TENT4A: variants seen among roughly 807,000 people sequenced by gnomAD.
TENT4A encodes terminal nucleotidyltransferase 4A.
Under a neutral mutation model 72.8 loss-of-function variants are expected in TENT4A, and 7 were observed. The observed-to-expected ratio is 0.10, with a 90% confidence interval of 0.05 to 0.18. TENT4A has a LOEUF of 0.18. Ranked by LOEUF, TENT4A falls within the 10% of genes least tolerant of loss-of-function variation. The probability of loss-of-function intolerance (pLI) is 1.00; values close to 1 mark genes in which losing one functional copy is unlikely to be tolerated. For missense variants in TENT4A, 831 were observed against 1,017.7 expected (o/e 0.82, Z 2.50); for synonymous variants, 456 against 434.3 (o/e 1.05, Z -0.62).
At chr5:6,720,525 A>G (rs1740593695) in intron 1 of TENT4A, among the ~76,000 whole-genome samples, 1 of 152,060 alleles carries the variant, frequency 6.6e-6, no homozygotes, top group African/African-American at 2.4e-5. Flanking sequence ...TCAGATGAAC[A>G]TTCTTTAAAA....
At chr5:6,716,876 T>A (rs1408888248) in intron 1 of TENT4A, among the ~76,000 whole-genome samples, 2 of 152,220 alleles carry the variant, frequency 1.3e-5, no homozygotes, top group Non-Finnish European at 2.9e-5. Flanking sequence ...TCCTTGCCTG[T>A]CTCTGGGTGG....
chr5:6,734,957 T>A (rs1378609478), intron 1 of TENT4A, among the ~76,000 whole-genome samples: 1 of 152,226 alleles, frequency 6.6e-6, no homozygotes, highest in Non-Finnish European at 1.5e-5. Context: ...TCCTGGAGTG[T>A]TGAGCATCTC....
chr5:6,729,287 A>G (rs1038633154), intron 1 of TENT4A, among the ~76,000 whole-genome samples: 3 of 152,242 alleles, frequency 2.0e-5, no homozygotes, highest in Admixed American at 2.0e-4. Context: ...CTCAAAGACT[A>G]TTATTTGGGA....
At chr5:6,739,875 T>A (rs1561038118) in intron 4 of TENT4A, 23 bp downstream of exon 4, 4 of 1,609,300 alleles carry the variant, frequency 2.5e-6, no homozygotes, top group Non-Finnish European at 1.7e-6. Flanking sequence ...CTTTGGCCCC[T>A]CTGACCGGGC....
At chr5:6,740,900 G>A (rs1207762299) in intron 4 of TENT4A, among the ~76,000 whole-genome samples, 2 of 152,228 alleles carry the variant, frequency 1.3e-5, no homozygotes, top group Non-Finnish European at 2.9e-5. Flanking sequence ...AGCAGATGCT[G>A]TTGCTGTTCA....
intron 1 of TENT4A, among the ~76,000 whole-genome samples, chr5:6,721,154 A>C (rs1475446321): frequency 6.6e-6 from 1 of 152,168 alleles, no homozygotes; most frequent in Non-Finnish European, 1.5e-5. Flanking sequence ...TGTAGCCCGC[A>C]TTCTTAGTGC....
At chr5:6,745,344 C>T (rs547982340) in intron 6 of TENT4A, among the ~76,000 whole-genome samples, 4 of 152,130 alleles carry the variant, frequency 2.6e-5, no homozygotes, top group Non-Finnish European at 4.4e-5. Flanking sequence ...TTTCAAGCAC[C>T]GTGCTTCTCT....
chr5:6,744,452 C>T (rs999111269), intron 6 of TENT4A, among the ~76,000 whole-genome samples: 2 of 152,220 alleles, frequency 1.3e-5, no homozygotes, highest in African/African-American at 4.8e-5. Flanking sequence ...TTTATATTTT[C>T]TTGAGTGAAG....
chr5:6,754,261 C>T lies in TENT4A; in HGVS notation c.2185-490C>T, dbSNP rs192505356. On this transcript the variant is annotated intron_variant, in intron 12 of 12. Coordinates refer to ENST00000230859, the MANE Select transcript of TENT4A (RefSeq NM_006999.6). ...TCAGCTCACTGCAACCTCCGCCTCCCGGGTTCAAGCAATTCTTGTGCCTCA... is the reference window on the plus strand; with the variant it reads ...TCAGCTCACTGCAACCTCCGCCTCCTGGGTTCAAGCAATTCTTGTGCCTCA... Among the ~76,000 whole-genome samples the T allele has an allele frequency of 4.7e-4, 71 of 152,244 alleles. 2 individuals are homozygous for T. The highest frequency in any genetic ancestry group is 1.7e-3 in the African/African-American group (69 of 41,542).
rs1413895144 is a variant in TENT4A at position 6,751,063 on chromosome 5, A to G, written c.1885A>G (p.Thr629Ala). ...DVDSDTPPCTTPSVYQFSLQA... is the reference protein window; with the variant it reads ...DVDSDTPPCTAPSVYQFSLQA... ...GGATTCAGACACACCGCCCTGCACAACGCCCAGTGTTTACCAGTTCAGTCT... is the reference window on the plus strand; with the variant it reads ...GGATTCAGACACACCGCCCTGCACAGCGCCCAGTGTTTACCAGTTCAGTCT... Residue 629 changes from threonine to alanine, a missense_variant, in exon 11 of 13, where the codon ACG becomes GCG. Around this residue, in one of 3 missense-constraint regions of TENT4A, gnomAD observed 332 missense variants for 324.3 expected, o/e 1.02. Coordinates refer to ENST00000230859, the MANE Select transcript of TENT4A (RefSeq NM_006999.6). The G allele has an allele frequency of 4.3e-6, 7 of 1,614,134 alleles. No homozygotes were observed. The highest frequency in any genetic ancestry group is 5.1e-6 in the Non-Finnish European group (6 of 1,180,020).
chr5:6,742,659 C>A, intron 5 of TENT4A, 62 bp downstream of exon 5: 1 of 930,576 alleles, frequency 1.1e-6, no homozygotes, highest in Non-Finnish European at 1.8e-6. Flanking sequence ...TGCTTGGTGG[C>A]ATCCTACGAT....
rs1386967371 is a variant in TENT4A, at chr5:6,714,638, G to T, written c.655G>T (p.Ala219Ser). 2.5e-6 allele frequency: 3 copies of T among 1,199,130 alleles called. No homozygotes were observed. In the African/African-American group the frequency reaches 4.8e-5, roughly 19 times the overall value. 74.3% of individuals were successfully genotyped at this position (1,199,130 alleles called of 1,614,324 possible). ...AALSGGGGPG[A>S]QAPRPGTPWK... ...TCTCAGCGGAGGGGGCGGCCCCGGG[G>T]CCCAGGCGCCGCGGCCCGGCACCCC... Residue 219 changes from alanine (A) to serine (S), a missense_variant, in exon 1 of 13, where the codon GCC (alanine) becomes TCC (serine). This residue lies in a region of TENT4A where 302 missense variants were observed against 293.8 expected (regional missense o/e 1.03). Coordinates refer to ENST00000230859, the MANE Select transcript of TENT4A (RefSeq NM_006999.6).
At position 6,751,070 on chromosome 5, in the gene TENT4A, G is replaced by A; in HGVS notation, c.1892G>A (p.Ser631Asn). 1.2e-6 allele frequency: 2 copies of A among 1,614,098 alleles called. No homozygotes were observed. The highest frequency in any genetic ancestry group is 1.1e-5 in the South Asian group (1 of 91,072). ...DSDTPPCTTP[S>N]VYQFSLQAPA... is the part of the protein sequence containing the mutation. ...GACACACCGCCCTGCACAACGCCCAGTGTTTACCAGTTCAGTCTGCAAGCG... is the reference window on the plus strand; with the variant it reads ...GACACACCGCCCTGCACAACGCCCAATGTTTACCAGTTCAGTCTGCAAGCG... The change falls in exon 11 of 13, where the codon AGT (serine) becomes AAT (asparagine). Residue 631 changes from serine (S) to asparagine (N), a missense_variant. Physicochemically the swap from Ser to Asn is conservative, Grantham distance 46. This residue lies in a region of TENT4A where 332 missense variants were observed against 324.3 expected (regional missense o/e 1.02). Transcript: ENST00000230859.
chr5:6,734,366 TTCAGGCCAGCCC>T (rs1183827337), intron 1 of TENT4A, among the ~76,000 whole-genome samples: 5 of 152,256 alleles, frequency 3.3e-5, no homozygotes, highest in African/African-American at 7.2e-5. Context: ...CTGGGGGCTT[TTCAGGCCAGCCC>T]AGAGGATGTA....
At chr5:6,737,945 G>A (rs73737162) in intron 2 of TENT4A, among the ~76,000 whole-genome samples, 4 of 147,122 alleles carry the variant, frequency 2.7e-5, no homozygotes, top group African/African-American at 9.9e-5. Context: ...GGAGAATGGT[G>A]TGATTGTTTC....
intron 1 of TENT4A, among the ~76,000 whole-genome samples, chr5:6,726,525 G>T (rs1172243173): frequency 6.6e-6 from 1 of 152,178 alleles, no homozygotes; most frequent in African/African-American, 2.4e-5. Context: ...GTGCCACCTT[G>T]ACCTGGCATC....
intron 1 of TENT4A, among the ~76,000 whole-genome samples, chr5:6,716,586 G>T (rs948601485): frequency 6.6e-6 from 1 of 152,146 alleles, no homozygotes; most frequent in Admixed American, 6.5e-5. Flanking sequence ...CTGCCAGCAG[G>T]TCTGGTCAGA....
intron 1 of TENT4A, among the ~76,000 whole-genome samples, chr5:6,718,852 G>A (rs1740512432): frequency 6.6e-6 from 1 of 152,158 alleles, no homozygotes; most frequent in African/African-American, 2.4e-5. Flanking sequence ...GGACTGGCCA[G>A]GTCAGGACAG....
chr5:6,725,328 GAAA>G (rs991205893), intron 1 of TENT4A, among the ~76,000 whole-genome samples: 1 of 148,042 alleles, frequency 6.8e-6, no homozygotes, highest in Non-Finnish European at 1.5e-5. Flanking sequence ...CTCAAAAAAA[GAAA>G]AAAAAAAGAA....
Sources: allele counts gnomAD v4.1 joint callset (sites outside exome capture counted in the v4.1 genomes callset), GRCh38; gene constraint gnomAD v4.1.1; regional missense constraint gnomAD v4.1.1; transcripts MANE v1.5; gene names NCBI Gene and HGNC (gene_info 2026-07-23, HGNC 2026-07-21).